Variants in PRR27 observed in about 807,000 individuals in gnomAD.
PRR27 encodes the protein proline-rich protein 27.
Under a neutral mutation model 16.8 loss-of-function variants are expected in PRR27, and 12 were observed. That is an observed-to-expected ratio of 0.71 (90% CI 0.46 to 1.16). The LOEUF (loss-of-function observed/expected upper bound fraction) is 1.16, where lower values mean the gene tolerates loss of function less well. Among genes scored for constraint, PRR27 ranks in the 50% most tolerant of loss-of-function variants. The pLI, the probability that PRR27 is intolerant of heterozygous loss-of-function variation, is 0.00. For missense variants in PRR27, 277 were observed against 273.3 expected, an observed-to-expected ratio of 1.01 and a Z score of -0.10; for synonymous variants, 100 against 98.4, an observed-to-expected ratio of 1.02 and a Z score of -0.10.
In PRR27 at chr4:70,163,369, A is replaced by G. The variant is rs1728689328; in HGVS notation, c.*708A>G. The stretch of plus-strand genomic sequence containing the variant: ...TCACACTGTTGCACGGCTGTAGTGC[A>G]ATGGTGCCAACTCAGCTCACTGCAA... On this transcript the variant is annotated 3_prime_UTR_variant, in exon 5 of 5. Coordinates refer to ENST00000344526, the MANE Select transcript of PRR27 (RefSeq NM_214711.4). The G allele has an allele frequency of 7.0e-6, 1 of 142,806 alleles. No individual in the cohort carries two copies. Among genetic ancestry groups the G allele is most frequent in the South Asian group, 2.2e-4 (1 of 4,608 alleles). 8.8% of individuals were successfully genotyped at this position (142,806 alleles called of 1,614,324 possible). A position where few individuals can be genotyped will look rare whatever the true frequency, so the allele number is the denominator to read the frequency against.
chr4:70,166,039 T>A lies in PRR27; in HGVS notation c.*3378T>A, dbSNP rs1260530163. 6.6e-6 allele frequency: 1 copy of A among 152,118 alleles called. No individual in the cohort carries two copies. Among genetic ancestry groups the A allele is most frequent in the East Asian group, 1.9e-4 (1 of 5,198 alleles). 9.4% of individuals were successfully genotyped at this position (152,118 alleles called of 1,614,324 possible). A position where few individuals can be genotyped will look rare whatever the true frequency, so the allele number is the denominator to read the frequency against. On this transcript the variant is annotated 3_prime_UTR_variant, in exon 5 of 5. Transcript: ENST00000344526. ...GTGGCACTTAATATATAAAAGAGTT[T>A]TATGAGTTTTAAAAATGTATATAAA... is the stretch of plus-strand genomic sequence containing the variant.
Position 70,163,503 on chromosome 4 carries a change from A to C in PRR27, c.*842A>C, listed in dbSNP as rs1286104122. ...TAATTTTTTGTAATTTAGTACAGACAGGGGTTCCCTATGTTGGCCAGGATG... is the reference window on the plus strand; with the variant it reads ...TAATTTTTTGTAATTTAGTACAGACCGGGGTTCCCTATGTTGGCCAGGATG... On this transcript the variant is annotated 3_prime_UTR_variant, in exon 5 of 5. Coordinates refer to ENST00000344526, the MANE Select transcript of PRR27 (RefSeq NM_214711.4). 2 of 152,164 alleles carry C rather than the reference A, an allele frequency of 1.3e-5. No individual in the cohort carries two copies. The highest frequency in any genetic ancestry group is 1.3e-4 in the Admixed American group (2 of 15,250). 9.4% of individuals were successfully genotyped at this position (152,164 alleles called of 1,614,324 possible).
chr4:70,158,728 C>A lies in PRR27; in HGVS notation c.476C>A (p.Ala159Asp). 2 of 1,578,202 alleles carry A rather than the reference C, an allele frequency of 1.3e-6. No individual in the cohort carries two copies. The highest frequency in any genetic ancestry group is 1.7e-6 in the Non-Finnish European group (2 of 1,152,846). The change falls in exon 3 of 5, where the codon GCT (alanine) becomes GAT (aspartate). Residue 159 changes from alanine to aspartate, a missense_variant. Transcript: ENST00000344526. ...AAGAPVAAEP[A>D]AEAPVGAEPA... ...GGGGCCCCTGTTGCAGCTGAGCCTG[C>A]TGCAGAGGCACCTGTTGGAGCTGAG...
chr4:70,159,375 A>G (rs1410690304), intron 3 of PRR27, among the ~76,000 whole-genome samples: 1 of 152,184 alleles, frequency 6.6e-6, no homozygotes, highest in East Asian at 1.9e-4. Flanking sequence ...GCCGTAATTC[A>G]TTTACCCATT....
At chr4:70,160,541 T>A (rs1728623899) in intron 3 of PRR27, among the ~76,000 whole-genome samples, 1 of 150,608 alleles carries the variant, frequency 6.6e-6, no homozygotes, top group Non-Finnish European at 1.5e-5. Flanking sequence ...AGAGACCACC[T>A]ACCTTGCTTC....
chr4:70,157,466 A>T (rs984925633), intron 2 of PRR27, among the ~76,000 whole-genome samples: 3 of 150,454 alleles, frequency 2.0e-5, no homozygotes, highest in African/African-American at 7.3e-5. Flanking sequence ...AATATTATAT[A>T]CAATAACATT....
chr4:70,157,307 T>C (rs1014870654), intron 2 of PRR27, among the ~76,000 whole-genome samples: 4 of 152,104 alleles, frequency 2.6e-5, no homozygotes, highest in East Asian at 1.9e-4. Flanking sequence ...AGCACAGAGA[T>C]GGCACAGAGA....
chr4:70,156,619 T>G (rs950719652), intron 2 of PRR27, among the ~76,000 whole-genome samples: 1 of 152,188 alleles, frequency 6.6e-6, no homozygotes, highest in Admixed American at 6.5e-5. Flanking sequence ...GATTAACTGA[T>G]GTTAGATGTT....
At position 70,161,593 on chromosome 4, in the gene PRR27, A is replaced by T. The variant is rs750903215; in HGVS notation, c.656A>T (p.Gln219Leu). ...HPSPSLEQAN[Q>L] is the part of the protein sequence containing the mutation. ...TTTTTTAATGTTTTCTAGGCAAATC[A>T]GTGAAATTCTCTAGAAGAGTACCAT... The change falls in exon 4 of 5, where the codon CAG (glutamine) becomes CTG (leucine). Residue 219 changes from glutamine (Q) to leucine (L), a missense_variant. Gln to Leu is a moderately radical substitution (Grantham distance 113). Transcript: ENST00000344526. 1 of 1,520,570 alleles carries T rather than the reference A, an allele frequency of 6.6e-7. No homozygotes were observed. The highest frequency in any genetic ancestry group is 2.3e-5 in the East Asian group (1 of 43,732). 94.2% of individuals were successfully genotyped at this position (1,520,570 alleles called of 1,614,324 possible).
chr4:70,160,398 C>G (rs1424259743), intron 3 of PRR27, among the ~76,000 whole-genome samples: 3 of 140,826 alleles, frequency 2.1e-5, no homozygotes, highest in Non-Finnish European at 4.6e-5. Flanking sequence ...CTCAGAGAAT[C>G]TTCTGGGACT....
At position 70,158,611 on chromosome 4, in the gene PRR27, C is replaced by A; in HGVS notation, c.359C>A (p.Ala120Glu). 6.2e-7 allele frequency: 1 copy of A among 1,614,126 alleles called. No individual in the cohort carries two copies. The highest frequency in any genetic ancestry group is 8.5e-7 in the Non-Finnish European group (1 of 1,180,006). Residue 120 changes from alanine (A) to glutamate (E), a missense_variant, in exon 3 of 5, where the codon GCA becomes GAA. Transcript: ENST00000344526. Reference protein sequence around the residue: ...PFVPPSRFFSAAAAPAAPPIA... With the variant: ...PFVPPSRFFSEAAAPAAPPIA... ...GTCCCTCCTTCAAGGTTTTTTTCAGCAGCTGCAGCACCCGCTGCCCCACCT... is the reference window on the plus strand; with the variant it reads ...GTCCCTCCTTCAAGGTTTTTTTCAGAAGCTGCAGCACCCGCTGCCCCACCT...
In PRR27 at chr4:70,166,329, T is replaced by C. The variant is rs1187241592; in HGVS notation, c.*3668T>C. 1 of 152,068 alleles carries C rather than the reference T, an allele frequency of 6.6e-6. No individual in the cohort carries two copies. The highest frequency in any genetic ancestry group is 2.4e-5 in the African/African-American group (1 of 41,448). 9.4% of individuals were successfully genotyped at this position (152,068 alleles called of 1,614,324 possible). A position where few individuals can be genotyped will look rare whatever the true frequency, so the allele number is the denominator to read the frequency against. On this transcript the variant is annotated 3_prime_UTR_variant, in exon 5 of 5. Transcript: ENST00000344526. ...AAGTAGCCTGAATAAAACTTTTCATTATTTATATTATCACATGCATATATG... is the reference window on the plus strand; with the variant it reads ...AAGTAGCCTGAATAAAACTTTTCATCATTTATATTATCACATGCATATATG...
intron 4 of PRR27, among the ~76,000 whole-genome samples, 155 bp from the exon 5 acceptor site, chr4:70,162,540 G>A (rs955734415): frequency 6.6e-6 from 1 of 152,000 alleles, no homozygotes; most frequent in Non-Finnish European, 1.5e-5. Flanking sequence ...TTTGTATTTA[G>A]TATTTTGCCA....
intron 3 of PRR27, among the ~76,000 whole-genome samples, chr4:70,159,249 A>T (rs1429938426): frequency 6.6e-6 from 1 of 152,150 alleles, no homozygotes; most frequent in Admixed American, 6.5e-5. Flanking sequence ...ACGTAAGTGG[A>T]ATAATATTGT....
rs982846612 is a variant in PRR27 at position 70,156,064 on chromosome 4, C to T, written c.62C>T (p.Pro21Leu). 6 of 1,436,386 alleles carry T rather than the reference C, an allele frequency of 4.2e-6. No homozygotes were observed. The highest frequency in any genetic ancestry group is 5.6e-6 in the Non-Finnish European group (6 of 1,074,132). The allele number at this position is 1,436,386 out of a possible 1,614,324, so 89.0% of individuals were successfully genotyped here. A position where few individuals can be genotyped will look rare whatever the true frequency, so the allele number is the denominator to read the frequency against. The change falls in exon 2 of 5, where the codon CCC (proline) becomes CTC (leucine). Residue 21 changes from proline to leucine, a missense_variant. Coordinates refer to ENST00000344526, the MANE Select transcript of PRR27 (RefSeq NM_214711.4). ...CVAFARKRRF[P>L]FIGEDDNDDG... Reference sequence around the variant, plus strand: ...TTTTCTTTATTTTAGAGACGGTTCCCCTTCATTGGTGAGGTAAAACTTTTT... The same window carrying T: ...TTTTCTTTATTTTAGAGACGGTTCCTCTTCATTGGTGAGGTAAAACTTTTT...
intron 2 of PRR27, among the ~76,000 whole-genome samples, chr4:70,157,279 CAGTA>C: frequency 6.6e-6 from 1 of 151,982 alleles, no homozygotes; most frequent in Admixed American, 6.6e-5. Context: ...GTCTGTTTTC[CAGTA>C]TGTAGGATCC....
Position 70,158,516 on chromosome 4 carries a change from T to C in PRR27, c.264T>C (p.Tyr88=), listed in dbSNP as rs976078270. 1 of 1,614,050 alleles carries C rather than the reference T, an allele frequency of 6.2e-7. No homozygotes were observed. Among genetic ancestry groups the C allele is most frequent in the Non-Finnish European group, 8.5e-7 (1 of 1,180,022 alleles). The part of the protein sequence containing the change: ...ILTSPGFPYV[Y]HIRGFPLATQ... Reference sequence around the variant, plus strand: ...CTTCTCCTGGATTCCCCTATGTCTATCACATCCGTGGTTTTCCCTTAGCTA... The same window carrying C: ...CTTCTCCTGGATTCCCCTATGTCTACCACATCCGTGGTTTTCCCTTAGCTA... The change falls in exon 3 of 5, where the codon TAT becomes TAC. Residue 88 remains tyrosine (Y), a synonymous_variant. Coordinates refer to ENST00000344526, the MANE Select transcript of PRR27 (RefSeq NM_214711.4).
intron 3 of PRR27, among the ~76,000 whole-genome samples, chr4:70,160,715 TA>T (rs1275672424): frequency 1.4e-5 from 2 of 140,812 alleles, no homozygotes; most frequent in Admixed American, 1.5e-4. Context: ...CGAAGTTTAC[TA>T]AACTTTTAGA....
chr4:70,159,896 C>T (rs1244026629), intron 3 of PRR27, among the ~76,000 whole-genome samples: 1 of 152,084 alleles, frequency 6.6e-6, no homozygotes, highest in Non-Finnish European at 1.5e-5. Flanking sequence ...AGAACTTTTT[C>T]CTGCCCTAGT....
Sources: gnomAD v4.1 joint callset for allele counts (sites outside exome capture counted in the v4.1 genomes callset) on GRCh38, gnomAD v4.1.1 for gene constraint, MANE v1.5 for transcripts, NCBI Gene and HGNC (gene_info 2026-07-23, HGNC 2026-07-21) for gene names.